Variants in ZRANB3 observed in about 807,000 individuals in gnomAD.
ZRANB3 encodes the protein DNA annealing helicase and endonuclease ZRANB3.
A neutral mutation model predicts 133.8 loss-of-function variants in ZRANB3; 125 were observed. The ratio of observed to expected loss-of-function variants is 0.93; its 90% CI spans 0.81 to 1.08. The LOEUF is 1.08. ZRANB3 is among the 50% of genes least tolerant of loss of function. ZRANB3 has a pLI of 0.00. For synonymous variants in ZRANB3, 387 were observed against 432.7 expected, an observed-to-expected ratio of 0.89 and a Z score of 1.31; for missense variants, 1,229 against 1,275.5, an observed-to-expected ratio of 0.96 and a Z score of 0.56.
Position 135,475,711 on chromosome 2 carries a change from A to G in ZRANB3, c.161+28618T>C, listed in dbSNP as rs116476877. ...TTAGGTTATTTTGGGGATTCACAAA[A>G]ACATACACAGTGCCAAAGGATATTT... On this transcript the variant is annotated intron_variant, in intron 2 of 20. Coordinates refer to ENST00000264159, the MANE Select transcript of ZRANB3 (RefSeq NM_032143.4). Among the ~76,000 whole-genome samples the G allele has an allele frequency of 3.0e-3, 454 of 152,366 alleles. 2 individuals are homozygous for G. Among genetic ancestry groups the G allele is most frequent in the African/African-American group, 0.01 (430 of 41,588 alleles).
At chr2:135,222,750 T>A (rs553773365) in intron 15 of ZRANB3, among the ~76,000 whole-genome samples, 1 of 151,984 alleles carries the variant, frequency 6.6e-6, no homozygotes, top group Non-Finnish European at 1.5e-5. Flanking sequence ...TTATTTTAAA[T>A]AAAAAATGTT....
chr2:135,387,880 T>C (rs1687051315), intron 3 of ZRANB3, among the ~76,000 whole-genome samples: 2 of 152,092 alleles, frequency 1.3e-5, no homozygotes, highest in Admixed American at 6.6e-5. Context: ...AATGGAAAAG[T>C]GATTTGTATA....
chr2:135,443,129 AAGAAAAAGAAAAAAG>A (rs1689857806), intron 2 of ZRANB3, among the ~76,000 whole-genome samples: 1 of 132,368 alleles, frequency 7.6e-6, no homozygotes, highest in African/African-American at 3.6e-5. Flanking sequence ...AAAAAAAAGA[AAGAAAAAGAAAAAAG>A]AAAAGAAAAG....
chr2:135,416,052 C>G (rs1170266110), intron 2 of ZRANB3, among the ~76,000 whole-genome samples: 3 of 152,018 alleles, frequency 2.0e-5, no homozygotes, highest in South Asian at 2.1e-4. Context: ...TGGCACAAGA[C>G]AGGGATGCCC....
At chr2:135,522,293 A>G (rs1171460523) in intron 1 of ZRANB3, among the ~76,000 whole-genome samples, 1 of 152,126 alleles carries the variant, frequency 6.6e-6, no homozygotes, top group Non-Finnish European at 1.5e-5. Context: ...CCTAAGAACA[A>G]AGAGCTTGTA....
intron 16 of ZRANB3, 51 bp downstream of exon 16, chr2:135,219,026 A>G: frequency 8.2e-7 from 1 of 1,221,916 alleles, no homozygotes; most frequent in Non-Finnish European, 1.1e-6. Context: ...AAATTACTAA[A>G]ACAAGTTTAT....
chr2:135,364,591 T>A (rs1685839561), intron 3 of ZRANB3, among the ~76,000 whole-genome samples: 1 of 151,302 alleles, frequency 6.6e-6, no homozygotes, highest in East Asian at 1.9e-4. Flanking sequence ...TTACTAAAAA[T>A]ACAAAAATTA....
intron 3 of ZRANB3, among the ~76,000 whole-genome samples, chr2:135,372,289 C>T (rs72984426): frequency 0.069 from 10,427 of 152,128 alleles, 759 homozygotes; most frequent in African/African-American, 0.19. Context: ...AATCCGTTGG[C>T]GCCTTGATCT....
At chr2:135,508,439 G>C (rs1270861247) in intron 1 of ZRANB3, among the ~76,000 whole-genome samples, 1 of 151,832 alleles carries the variant, frequency 6.6e-6, no homozygotes, top group Non-Finnish European at 1.5e-5. Flanking sequence ...ACCTGGCCAA[G>C]GCACAATATT....
At chr2:135,414,674 C>T (rs549137050) in intron 2 of ZRANB3, among the ~76,000 whole-genome samples, 4 of 152,078 alleles carry the variant, frequency 2.6e-5, no homozygotes, top group Admixed American at 2.6e-4. Context: ...CCACACCACA[C>T]CTATTCCAAA....
intron 3 of ZRANB3, among the ~76,000 whole-genome samples, chr2:135,354,811 A>G (rs558783623): frequency 6.6e-6 from 1 of 152,320 alleles, no homozygotes; most frequent in East Asian, 1.9e-4. Context: ...TTAGGAATGG[A>G]GTCGGTCTAT....
At position 135,390,830 on chromosome 2, in the gene ZRANB3, A is replaced by AT. The variant is rs200846831; in HGVS notation, c.162-11_162-10insA. 8.1e-4 allele frequency: 1,218 copies of AT among 1,499,218 alleles called. 5 individuals are homozygous for AT. In the African/African-American group the frequency reaches 0.011, roughly 14 times the overall value. The allele number at this position is 1,499,218 out of a possible 1,614,324, so 92.9% of individuals were successfully genotyped here. On this transcript the variant is annotated splice_polypyrimidine_tract_variant and intron_variant, in intron 2 of 20. Transcript: ENST00000264159. Reference sequence around the variant, plus strand: ...ATCAGCCACCATACACCTGGAAAAAAAAAAAAAAAAAAATTAATTATCAGA... The same window carrying AT: ...ATCAGCCACCATACACCTGGAAAAAATAAAAAAAAAAAAATTAATTATCAGA...
intron 8 of ZRANB3, among the ~76,000 whole-genome samples, chr2:135,284,481 T>C (rs370471962): frequency 6.6e-6 from 1 of 152,240 alleles, no homozygotes; most frequent in Non-Finnish European, 1.5e-5. Context: ...TGTTTGTTTG[T>C]TTGCTTTTGA....
chr2:135,408,226 G>T (rs959494206), intron 2 of ZRANB3, among the ~76,000 whole-genome samples: 1 of 152,112 alleles, frequency 6.6e-6, no homozygotes, highest in African/African-American at 2.4e-5. Context: ...ATGAAAAAAT[G>T]CTCATCATCA....
chr2:135,460,659 A>G (rs1420342203), intron 2 of ZRANB3, among the ~76,000 whole-genome samples: 1 of 152,174 alleles, frequency 6.6e-6, no homozygotes, highest in African/African-American at 2.4e-5. Context: ...ATGAAACTGC[A>G]TAAAATAAAC....
intron 12 of ZRANB3, among the ~76,000 whole-genome samples, chr2:135,253,387 GGAGA>G (rs113792297): frequency 6.6e-6 from 1 of 151,198 alleles, no homozygotes; most frequent in African/African-American, 2.4e-5. Context: ...GACAGGGAGT[GGAGA>G]GAGAGAGAGA....
At chr2:135,467,721 G>C (rs1691061830) in intron 2 of ZRANB3, among the ~76,000 whole-genome samples, 1 of 152,138 alleles carries the variant, frequency 6.6e-6, no homozygotes, top group Non-Finnish European at 1.5e-5. Flanking sequence ...TGCCTCTCTA[G>C]CTTCCAGCCA....
At chr2:135,230,492 G>C (rs1694951264) in intron 13 of ZRANB3, 21 bp downstream of exon 13, 2 of 1,472,532 alleles carry the variant, frequency 1.4e-6, no homozygotes, top group Non-Finnish European at 1.8e-6. Flanking sequence ...TTACCTCCAT[G>C]GTCACCTTCT....
At chr2:135,506,344 C>T (rs190730701) in intron 1 of ZRANB3, among the ~76,000 whole-genome samples, 14 of 152,070 alleles carry the variant, frequency 9.2e-5, no homozygotes, top group African/African-American at 2.7e-4. Context: ...GAGCTGAGAT[C>T]GCACCACTGC....
Sources: allele counts gnomAD v4.1 joint callset (sites outside exome capture counted in the v4.1 genomes callset), GRCh38; gene constraint gnomAD v4.1.1; transcripts MANE v1.5; gene names NCBI Gene and HGNC (gene_info 2026-07-23, HGNC 2026-07-21).